The following ITPR2 variants were observed in gnomAD, a reference collection of about 807,000 sequenced individuals.
ITPR2 encodes the protein inositol 1,4,5-trisphosphate-gated calcium channel ITPR2.
In ITPR2, 207 loss-of-function variants were observed where a neutral mutation model predicts 317.1. That is an observed-to-expected ratio of 0.65 (90% CI 0.58 to 0.73). ITPR2 has a LOEUF of 0.73. ITPR2 is among the 30% of genes least tolerant of loss of function. ITPR2 has a pLI of 0.00. For missense variants in ITPR2, 2,613 were observed against 3,284.0 expected, an observed-to-expected ratio of 0.80 and a Z score of 4.99; for synonymous variants, 1,156 against 1,149.1, an observed-to-expected ratio of 1.01 and a Z score of -0.12.
intron 41 of ITPR2, among the ~76,000 whole-genome samples, 183 bp from the exon 42 acceptor site, chr12:26,484,081 A>G (rs900412970): frequency 6.6e-6 from 1 of 151,580 alleles, no homozygotes; most frequent in African/African-American, 2.4e-5. Context: ...GCATCTATAT[A>G]TATATATACA....
chr12:26,470,788 C>G (rs1288820715), intron 45 of ITPR2, among the ~76,000 whole-genome samples: 1 of 151,996 alleles, frequency 6.6e-6, no homozygotes, highest in Non-Finnish European at 1.5e-5. Context: ...ACCCTGTGAC[C>G]CAGTAATTAA....
At chr12:26,556,411 C>A (rs370559170) in intron 35 of ITPR2, 36 bp from the exon 36 acceptor site, 28 of 1,585,226 alleles carry the variant, frequency 1.8e-5, no homozygotes, top group Non-Finnish European at 2.4e-5. Context: ...CACATGAAGG[C>A]GTAAGTCAGA....
chr12:26,534,769 T>TA (rs1944041760), intron 37 of ITPR2, among the ~76,000 whole-genome samples: 1 of 152,214 alleles, frequency 6.6e-6, no homozygotes, highest in South Asian at 2.1e-4. Context: ...ACAGGTGGTT[T>TA]ACTAAGAAAG....
At chr12:26,624,467 C>G in intron 23 of ITPR2, 111 bp from the exon 24 acceptor site, 1 of 721,296 alleles carries the variant, frequency 1.4e-6, no homozygotes, top group Middle Eastern at 2.9e-4. Context: ...TTTCTTTATT[C>G]GACCAAAAGT....
chr12:26,695,716 C>A, intron 9 of ITPR2, 66 bp from the exon 10 acceptor site: 2 of 937,526 alleles, frequency 2.1e-6, no homozygotes, highest in South Asian at 2.8e-5. Context: ...GACCATTGAT[C>A]TTCAATTCAA....
chr12:26,355,142 C>T (rs955498413), intron 55 of ITPR2, among the ~76,000 whole-genome samples: 2 of 152,182 alleles, frequency 1.3e-5, no homozygotes, highest in African/African-American at 4.8e-5. Flanking sequence ...TGAGAATGAC[C>T]ACTGTAGATA....
chr12:26,392,951 G>A (rs1435117802), intron 54 of ITPR2, among the ~76,000 whole-genome samples: 1 of 152,160 alleles, frequency 6.6e-6, no homozygotes, highest in Non-Finnish European at 1.5e-5. Context: ...ATGGATGCAA[G>A]AGCTAATCTG....
At chr12:26,786,455 A>T (rs200764571) in intron 2 of ITPR2, among the ~76,000 whole-genome samples, 51 of 149,838 alleles carry the variant, frequency 3.4e-4, no homozygotes, top group Non-Finnish European at 4.0e-4. Flanking sequence ...TCAATAAAAA[A>T]AAAAAAAAAA....
chr12:26,741,838 C>T (rs1408090451), intron 2 of ITPR2, among the ~76,000 whole-genome samples: 1 of 152,192 alleles, frequency 6.6e-6, no homozygotes, highest in African/African-American at 2.4e-5. Context: ...GGCTCTCAAG[C>T]CAGTAACTAA....
At chr12:26,547,054 A>T (rs988416699) in intron 37 of ITPR2, among the ~76,000 whole-genome samples, 1 of 152,224 alleles carries the variant, frequency 6.6e-6, no homozygotes, top group Non-Finnish European at 1.5e-5. Context: ...GACAAATGGG[A>T]CTATCTTAAA....
intron 29 of ITPR2, 82 bp from the exon 30 acceptor site, chr12:26,599,427 G>T: frequency 8.1e-7 from 1 of 1,232,316 alleles, no homozygotes. Context: ...TGCCCTGCTT[G>T]TGATCAGTTT....
chr12:26,599,752 T>C (rs1295596876), intron 29 of ITPR2, among the ~76,000 whole-genome samples: 2 of 152,112 alleles, frequency 1.3e-5, no homozygotes, highest in African/African-American at 4.8e-5. Flanking sequence ...CCCTAACATT[T>C]AACTATATAC....
intron 26 of ITPR2, among the ~76,000 whole-genome samples, chr12:26,605,932 T>C (rs1484380115): frequency 1.2e-4 from 19 of 152,216 alleles, no homozygotes; most frequent in Non-Finnish European, 2.2e-4. Flanking sequence ...GTAAACTATA[T>C]AACTACAATT....
chr12:26,362,482 G>A (rs144332823), intron 55 of ITPR2, among the ~76,000 whole-genome samples: 15 of 152,316 alleles, frequency 9.8e-5, no homozygotes, highest in African/African-American at 3.6e-4. Flanking sequence ...ATATGTGGAG[G>A]TAGATGCATA....
intron 18 of ITPR2, 142 bp from the exon 19 acceptor site, chr12:26,656,690 G>T (rs1304687887): frequency 1.6e-5 from 13 of 810,712 alleles, no homozygotes; most frequent in Non-Finnish European, 1.2e-5. Flanking sequence ...ACTGTAGTAT[G>T]TTAACCATTA....
chr12:26,443,539 T>C lies in ITPR2; in HGVS notation c.6450+4A>G. On this transcript the variant is annotated splice_donor_region_variant and intron_variant, in intron 46 of 56. Transcript: ENST00000381340. ...GTCTCTTTCAATAAATAATAGATGGTTACCTCAATCTGTGCAGTGTGGTTG... is the reference window on the plus strand; with the variant it reads ...GTCTCTTTCAATAAATAATAGATGGCTACCTCAATCTGTGCAGTGTGGTTG... 1.3e-6 allele frequency: 2 copies of C among 1,594,862 alleles called. No homozygotes were observed. The highest frequency in any genetic ancestry group is 1.7e-6 in the Non-Finnish European group (2 of 1,163,824).
intron 32 of ITPR2, among the ~76,000 whole-genome samples, chr12:26,594,496 T>C (rs1484402491): frequency 4.0e-5 from 6 of 151,858 alleles, no homozygotes; most frequent in Non-Finnish European, 8.8e-5. Flanking sequence ...ATAATGAAAA[T>C]ATGGACTTCA....
chr12:26,370,062 C>T (rs935191506), intron 55 of ITPR2, among the ~76,000 whole-genome samples: 5 of 152,150 alleles, frequency 3.3e-5, no homozygotes, highest in Admixed American at 1.3e-4. Context: ...TGTGTCTCTT[C>T]ATTTGGCTGT....
intron 13 of ITPR2, among the ~76,000 whole-genome samples, chr12:26,675,928 C>T (rs1377610226): frequency 2.6e-5 from 4 of 152,088 alleles, no homozygotes; most frequent in African/African-American, 7.2e-5. Flanking sequence ...GAGGCAGAGG[C>T]GGGCAGATCA....
Sources: allele counts gnomAD v4.1 joint callset (sites outside exome capture counted in the v4.1 genomes callset), GRCh38; gene constraint gnomAD v4.1.1; transcripts MANE v1.5; gene names NCBI Gene and HGNC (gene_info 2026-07-23, HGNC 2026-07-21).